The following SNTG2 variants were observed in gnomAD, a reference collection of about 807,000 sequenced individuals.
SNTG2 encodes gamma-2-syntrophin.
A neutral mutation model predicts 70.9 loss-of-function variants in SNTG2; 74 were observed. The ratio of observed to expected loss-of-function variants is 1.04; its 90% CI spans 0.86 to 1.27. The LOEUF (loss-of-function observed/expected upper bound fraction) is 1.27, where lower values mean the gene tolerates loss of function less well. Among genes scored for constraint, SNTG2 ranks in the 50% most tolerant of loss-of-function variants. SNTG2 has a pLI of 0.00. For missense variants in SNTG2, 717 were observed against 690.7 expected (o/e 1.04, Z -0.43); for synonymous variants, 278 against 273.8 (o/e 1.02, Z -0.15).
chr2:1,280,537 T>A (rs532185635), intron 14 of SNTG2, among the ~76,000 whole-genome samples: 12 of 152,344 alleles, frequency 7.9e-5, no homozygotes, highest in African/African-American at 2.9e-4. Flanking sequence ...TGATTCCTTT[T>A]GAGCTTCTCC....
At chr2:1,279,267 T>C (rs1679421314) in intron 14 of SNTG2, among the ~76,000 whole-genome samples, 1 of 152,270 alleles carries the variant, frequency 6.6e-6, no homozygotes, top group African/African-American at 2.4e-5. Context: ...GATGTAGTCA[T>C]GTCACATAAG....
intron 15 of SNTG2, among the ~76,000 whole-genome samples, chr2:1,312,144 A>G (rs374710059): frequency 2.0e-5 from 3 of 152,300 alleles, no homozygotes; most frequent in African/African-American, 4.8e-5. Context: ...CCATGAAAAT[A>G]TTTTCTGCAC....
At chr2:1,211,732 C>A (rs1031224851) in intron 9 of SNTG2, among the ~76,000 whole-genome samples, 4 of 152,082 alleles carry the variant, frequency 2.6e-5, no homozygotes, top group African/African-American at 9.7e-5. Flanking sequence ...AAAAAACCCA[C>A]CCCCATGATT....
intron 1 of SNTG2, among the ~76,000 whole-genome samples, chr2:1,062,916 AC>A (rs1406572413): frequency 1.3e-5 from 2 of 152,110 alleles, no homozygotes; most frequent in African/African-American, 4.8e-5. Flanking sequence ...ATACATACAT[AC>A]ACACACAGCT....
intron 1 of SNTG2, among the ~76,000 whole-genome samples, chr2:1,019,151 G>A (rs7574207): frequency 0.37 from 55,651 of 152,032 alleles, 11,074 homozygotes; most frequent in Middle Eastern, 0.52. Context: ...ATGGAGGGAC[G>A]TCATGGTGTG....
intron 1 of SNTG2, among the ~76,000 whole-genome samples, chr2:1,026,363 T>C (rs977567088): frequency 6.6e-6 from 1 of 152,244 alleles, no homozygotes; most frequent in African/African-American, 2.4e-5. Context: ...CCAAATTTTA[T>C]GCAGTTTTTG....
At chr2:1,048,767 C>T (rs1661886390) in intron 1 of SNTG2, among the ~76,000 whole-genome samples, 1 of 152,158 alleles carries the variant, frequency 6.6e-6, no homozygotes, top group Non-Finnish European at 1.5e-5. Context: ...AAAGTGGTTG[C>T]ACCATCATAA....
At chr2:1,274,147 G>A (rs771089074) in intron 14 of SNTG2, among the ~76,000 whole-genome samples, 2 of 152,230 alleles carry the variant, frequency 1.3e-5, no homozygotes, top group African/African-American at 4.8e-5. Context: ...GATGCCAAGT[G>A]TTGGTGAAGG....
chr2:1,117,055 T>C (rs954184846), intron 4 of SNTG2, among the ~76,000 whole-genome samples: 1 of 124,262 alleles, frequency 8.0e-6, no homozygotes, highest in Admixed American at 8.3e-5. Flanking sequence ...GTGGGTGCTC[T>C]GGTGTGTGGG....
At chr2:1,050,152 T>A (rs1040419741) in intron 1 of SNTG2, among the ~76,000 whole-genome samples, 1 of 152,194 alleles carries the variant, frequency 6.6e-6, no homozygotes, top group African/African-American at 2.4e-5. Context: ...ATGGGTTCCC[T>A]TTTACTCTCT....
intron 9 of SNTG2, among the ~76,000 whole-genome samples, chr2:1,231,180 T>C (rs1676216050): frequency 6.6e-6 from 1 of 151,302 alleles, no homozygotes; most frequent in Non-Finnish European, 1.5e-5. Context: ...GCCTCTTCCA[T>C]AGGGTCACTG....
At chr2:1,048,305 C>T (rs1443898558) in intron 1 of SNTG2, among the ~76,000 whole-genome samples, 4 of 152,096 alleles carry the variant, frequency 2.6e-5, no homozygotes. Flanking sequence ...CTTATGTGGC[C>T]AGCGCTGACA....
intron 2 of SNTG2, among the ~76,000 whole-genome samples, chr2:1,084,610 A>T (rs1412606925): frequency 1.3e-5 from 2 of 152,222 alleles, no homozygotes; most frequent in Non-Finnish European, 2.9e-5. Flanking sequence ...TTCTGGCTCC[A>T]GGACTGCATC....
intron 1 of SNTG2, among the ~76,000 whole-genome samples, chr2:1,073,233 A>T (rs1663692900): frequency 6.6e-6 from 1 of 152,238 alleles, no homozygotes; most frequent in Non-Finnish European, 1.5e-5. Context: ...ACAGCATCAA[A>T]TGCTACAGAG....
intron 16 of SNTG2, among the ~76,000 whole-genome samples, chr2:1,321,478 G>C (rs961061731): frequency 1.3e-5 from 2 of 152,184 alleles, no homozygotes; most frequent in African/African-American, 4.8e-5. Flanking sequence ...GACCACGGAG[G>C]GGGTGGCAGA....
intron 16 of SNTG2, among the ~76,000 whole-genome samples, chr2:1,362,427 C>T (rs1265283666): frequency 4.6e-5 from 7 of 151,866 alleles, no homozygotes; most frequent in Admixed American, 2.0e-4. Context: ...GTCACTAACG[C>T]TGAGCATTTC....
At chr2:1,317,942 A>G (rs1327962717) in intron 16 of SNTG2, among the ~76,000 whole-genome samples, 2 of 152,248 alleles carry the variant, frequency 1.3e-5, no homozygotes, top group Non-Finnish European at 2.9e-5. Context: ...TTAGCAGGAA[A>G]TCATTATTTT....
intron 14 of SNTG2, among the ~76,000 whole-genome samples, chr2:1,283,237 AC>A (rs1043094118): frequency 2.0e-5 from 3 of 151,916 alleles, no homozygotes; most frequent in Admixed American, 2.0e-4. Flanking sequence ...GCTGGTGGTC[AC>A]CCTCCGAAGT....
At chr2:1,264,265 C>T (rs569429833) in intron 13 of SNTG2, among the ~76,000 whole-genome samples, 113 of 152,278 alleles carry the variant, frequency 7.4e-4, no homozygotes, top group African/African-American at 2.5e-3. Context: ...AAAGATGCAG[C>T]GTTCAATCAT....
Sources: allele counts gnomAD v4.1 joint callset (sites outside exome capture counted in the v4.1 genomes callset), GRCh38; gene constraint gnomAD v4.1.1; transcripts MANE v1.5; gene names NCBI Gene and HGNC (gene_info 2026-07-23, HGNC 2026-07-21).